OTUD5: variants seen among roughly 807,000 people sequenced by gnomAD.
OTUD5 encodes OTU deubiquitinase 5.
OTUD5 carries 2 observed loss-of-function variants against 36.3 expected under a neutral mutation model. The observed-to-expected ratio is 0.06, with a 90% confidence interval of 0.02 to 0.17. OTUD5 has a LOEUF of 0.17. OTUD5 is among the 10% of genes least tolerant of loss of function. OTUD5 has a pLI of 1.00. For synonymous variants in OTUD5, 234 were observed against 214.9 expected, an observed-to-expected ratio of 1.09 and a Z score of -0.78; for missense variants, 233 against 512.3, an observed-to-expected ratio of 0.45 and a Z score of 5.26.
chrX:48,944,853 T>C (rs2063995386), intron 1 of OTUD5, among the ~76,000 whole-genome samples: 1 of 110,903 alleles, frequency 9.0e-6, no homozygotes, highest in Admixed American at 9.6e-5. Context: ...AGAAACCCCG[T>C]CTCTAATAAA....
Position 48,923,431 on chromosome X carries a change from G to C in OTUD5, c.1580-136C>G, listed in dbSNP as rs1234415334. ...CTCCTTTCTCAAAACAGAAGGATCTGCTAGGCCTGTGAAACCCCACTTAGA... is the reference window on the plus strand; with the variant it reads ...CTCCTTTCTCAAAACAGAAGGATCTCCTAGGCCTGTGAAACCCCACTTAGA... On this transcript the variant is annotated intron_variant, in intron 8 of 8. Transcript: ENST00000376488. 10 of 587,946 alleles carry C rather than the reference G, an allele frequency of 1.7e-5. 1 individual carries two copies. Among genetic ancestry groups the C allele is most frequent in the Non-Finnish European group, 2.7e-5 (10 of 364,929 alleles). The allele number at this position is 587,946 out of a possible 1,213,427, so 48.5% of individuals were successfully genotyped here.
chrX:48,927,214 T>C (rs782236407), intron 5 of OTUD5, among the ~76,000 whole-genome samples: 3 of 111,580 alleles, frequency 2.7e-5, no homozygotes, highest in Non-Finnish European at 3.8e-5. Flanking sequence ...TCCAAGTGTT[T>C]TTTCTACTCT....
At chrX:48,941,325 G>A (rs1385182899) in intron 2 of OTUD5, among the ~76,000 whole-genome samples, 17 of 106,129 alleles carry the variant, frequency 1.6e-4, no homozygotes, top group Non-Finnish European at 1.9e-5. Flanking sequence ...TAGCTACTCA[G>A]GAGGCTGAGG....
chrX:48,949,924 G>A (rs782162791), intron 1 of OTUD5, among the ~76,000 whole-genome samples: 2 of 110,314 alleles, frequency 1.8e-5, no homozygotes, highest in Non-Finnish European at 3.8e-5. Context: ...CGAGGCGGGT[G>A]GATCAACTAA....
chrX:48,955,724 G>A (rs1408942036), intron 1 of OTUD5, among the ~76,000 whole-genome samples: 1 of 111,317 alleles, frequency 9.0e-6, no homozygotes, highest in African/African-American at 3.3e-5. Flanking sequence ...GGCCCAAGGT[G>A]GGAGGGCCTC....
In OTUD5 at chrX:48,934,654, G is replaced by C. The variant is rs367572873; in HGVS notation, c.911-42C>G. The C allele has an allele frequency of 1.7e-5, 21 of 1,206,429 alleles. No individual in the cohort carries two copies. In the African/African-American group the frequency reaches 3.5e-4, roughly 20 times the overall value. On this transcript the variant is annotated intron_variant, in intron 4 of 8. Coordinates refer to ENST00000376488, the MANE Select transcript of OTUD5 (RefSeq NM_001136157.2). ...GGAGGGAGCATCCACAGCAGGCCAG[G>C]TTGGGCAGGCTCGAATGAGGCACCA...
At chrX:48,924,074 C>G (rs1409275372) in intron 6 of OTUD5, 22 bp from the exon 7 acceptor site, 1 of 1,164,195 alleles carries the variant, frequency 8.6e-7, no homozygotes, top group African/African-American at 1.8e-5. Flanking sequence ...AAGGTAAATG[C>G]GTTAAGGACC....
chrX:48,934,385 G>A (rs2063800972), intron 5 of OTUD5, 79 bp downstream of exon 5: 1 of 885,453 alleles, frequency 1.1e-6, no homozygotes, highest in Non-Finnish European at 1.6e-6. Context: ...ATTTTTGTGA[G>A]TTAGGGGCAA....
In OTUD5 at chrX:48,941,432, C is replaced by CAAAAAAAA. The variant is rs200040194; in HGVS notation, c.688+2750_688+2757dup. 2.2e-4 allele frequency among the ~76,000 whole-genome samples: 7 copies of CAAAAAAAA among 31,940 alleles called. 1 individual carries two copies. The highest frequency in any genetic ancestry group is 1.0e-3 in the African/African-American group (7 of 6,940). 27.7% of individuals were successfully genotyped at this position (31,940 alleles called of 115,157 possible). A position where few individuals can be genotyped will look rare whatever the true frequency, so the allele number is the denominator to read the frequency against. On this transcript the variant is annotated intron_variant, in intron 2 of 8. Transcript: ENST00000376488. Reference sequence around the variant, plus strand: ...TGGGCGACAGAGGGAGACTCCATCTCAAAAAAAAAAAAAAAAAAAAAAAAA... The same window carrying CAAAAAAAA: ...TGGGCGACAGAGGGAGACTCCATCTCAAAAAAAAAAAAAAAAAAAAAAAAAAAAAAAAA...
chrX:48,956,788 C>T (rs1378173204), intron 1 of OTUD5, among the ~76,000 whole-genome samples, 189 bp downstream of exon 1: 1 of 111,322 alleles, frequency 9.0e-6, no homozygotes, highest in African/African-American at 3.3e-5. Flanking sequence ...TTACCGTAGG[C>T]CTCTAGCCCC....
intron 6 of OTUD5, among the ~76,000 whole-genome samples, chrX:48,925,467 G>A (rs1019939288): frequency 9.0e-6 from 1 of 110,584 alleles, no homozygotes; most frequent in African/African-American, 3.3e-5. Context: ...TCAGGGTCAA[G>A]GACCCCACCA....
At chrX:48,931,880 T>C (rs782152140) in intron 5 of OTUD5, among the ~76,000 whole-genome samples, 1 of 96,831 alleles carries the variant, frequency 1.0e-5, no homozygotes, top group Non-Finnish European at 2.1e-5. Flanking sequence ...GCTGGGCGCG[T>C]TGGCTCACGC....
intron 2 of OTUD5, among the ~76,000 whole-genome samples, chrX:48,941,250 G>A (rs900861538): frequency 1.8e-5 from 2 of 109,590 alleles, no homozygotes; most frequent in Middle Eastern, 4.7e-3. Context: ...GACCAACATG[G>A]TGAAACCCCA....
chrX:48,947,802 CA>C (rs2064058983), intron 1 of OTUD5, among the ~76,000 whole-genome samples: 1 of 111,422 alleles, frequency 9.0e-6, no homozygotes, highest in South Asian at 3.7e-4. Flanking sequence ...CCAAGACCTC[CA>C]AAAATGCTTG....
At chrX:48,938,257 G>A (rs781803460) in intron 2 of OTUD5, among the ~76,000 whole-genome samples, 1 of 111,711 alleles carries the variant, frequency 9.0e-6, no homozygotes, top group East Asian at 2.8e-4. Context: ...AATCATTAAC[G>A]TGGAAGAAAA....
At chrX:48,946,794 T>C (rs969010689) in intron 1 of OTUD5, among the ~76,000 whole-genome samples, 1 of 111,734 alleles carries the variant, frequency 8.9e-6, no homozygotes, top group Admixed American at 9.5e-5. Flanking sequence ...GACACAAGAA[T>C]AGGTTCTTAA....
chrX:48,955,278 A>G (rs2064217428), intron 1 of OTUD5, among the ~76,000 whole-genome samples: 1 of 111,496 alleles, frequency 9.0e-6, no homozygotes, highest in Non-Finnish European at 1.9e-5. Context: ...CCCTCAGGGC[A>G]GGTTCAGAAA....
chrX:48,951,366 G>A (rs782806196), intron 1 of OTUD5, among the ~76,000 whole-genome samples: 5 of 112,243 alleles, frequency 4.5e-5, no homozygotes, highest in East Asian at 2.8e-4. Context: ...TGTAATCCCA[G>A]CACTTTGGGA....
At position 48,934,856 on chromosome X, in the gene OTUD5, G is replaced by T; in HGVS notation, c.765C>A (p.Ala255=). The change falls in exon 4 of 9, where the codon GCC becomes GCA. Residue 255 remains alanine, a synonymous_variant. Coordinates refer to ENST00000376488, the MANE Select transcript of OTUD5 (RefSeq NM_001136157.2). ...CTGTGACATAGTTGGAGAAGTAGTC[G>T]GCATTCTTCATCTGCAGAATAGATT... ...KHCMDYLMKN[A]DYFSNYVTED... The T allele has an allele frequency of 8.3e-7, 1 of 1,209,453 alleles. No individual in the cohort carries two copies. The highest frequency in any genetic ancestry group is 1.1e-6 in the Non-Finnish European group (1 of 893,424).
Sources: allele counts gnomAD v4.1 joint callset (sites outside exome capture counted in the v4.1 genomes callset), GRCh38; gene constraint gnomAD v4.1.1; transcripts MANE v1.5; gene names NCBI Gene and HGNC (gene_info 2026-07-23, HGNC 2026-07-21).